KCNC4: variants seen among roughly 807,000 people sequenced by gnomAD.
The protein encoded by KCNC4 is potassium voltage-gated channel subfamily C member 4, also known as voltage-gated potassium channel KCNC4.
Under a neutral mutation model 42.8 loss-of-function variants are expected in KCNC4, and 23 were observed. The observed-to-expected ratio is 0.54, with a 90% confidence interval of 0.39 to 0.76. The LOEUF is 0.76. Among genes scored for constraint, KCNC4 ranks in the 30% least tolerant of loss-of-function variants. The pLI is 0.00. For missense variants in KCNC4, 751 were observed against 898.2 expected, an observed-to-expected ratio of 0.84 and a Z score of 2.10; for synonymous variants, 422 against 393.5, an observed-to-expected ratio of 1.07 and a Z score of -0.86.
intron 1 of KCNC4, among the ~76,000 whole-genome samples, chr1:110,217,184 C>T (rs1489746104): frequency 6.6e-6 from 1 of 151,926 alleles, no homozygotes; most frequent in Admixed American, 6.6e-5. Flanking sequence ...TAATACAAGA[C>T]GGATCATGAG....
At chr1:110,228,199 A>G (rs1277793311) in intron 3 of KCNC4, among the ~76,000 whole-genome samples, 1 of 152,160 alleles carries the variant, frequency 6.6e-6, no homozygotes, top group Non-Finnish European at 1.5e-5. Flanking sequence ...AGGCCCATGT[A>G]TCAGAGTGTC....
chr1:110,229,443 G>A (rs1034546850), intron 3 of KCNC4, among the ~76,000 whole-genome samples: 4 of 152,228 alleles, frequency 2.6e-5, no homozygotes, highest in East Asian at 1.9e-4. Flanking sequence ...TCCCACTGGC[G>A]GCACCTGGTG....
intron 2 of KCNC4, chr1:110,224,192 G>T: frequency 2.6e-6 from 1 of 383,314 alleles, no homozygotes; most frequent in South Asian, 5.9e-5. Flanking sequence ...ATCCAATCTT[G>T]GCCACTGTGC....
intron 1 of KCNC4, among the ~76,000 whole-genome samples, chr1:110,264,893 T>C (rs6664808): frequency 0.6 from 90,544 of 151,804 alleles, 27,556 homozygotes; most frequent in African/African-American, 0.71. Context: ...ACCAGCCTGG[T>C]CAACACGGTG....
At chr1:110,212,438 C>A (rs534759719) in intron 1 of KCNC4, among the ~76,000 whole-genome samples, 1 of 152,156 alleles carries the variant, frequency 6.6e-6, no homozygotes, top group African/African-American at 2.4e-5. Context: ...TTGCCGCATC[C>A]CCTCCAGTGA....
chr1:110,230,428 G>A (rs542558187), intron 3 of KCNC4, among the ~76,000 whole-genome samples: 33 of 152,204 alleles, frequency 2.2e-4, no homozygotes, highest in Non-Finnish European at 3.8e-4. Flanking sequence ...GGGACACAAC[G>A]AGCCGGGTGT....
chr1:110,230,596 T>C lies in KCNC4; in HGVS notation c.1820-2315T>C, dbSNP rs144459831. 3.5e-4 allele frequency among the ~76,000 whole-genome samples: 53 copies of C among 152,328 alleles called. No individual in the cohort carries two copies. The East Asian group carries it at 9.3e-3, about 27-fold the overall frequency. On this transcript the variant is annotated intron_variant, in intron 3 of 3. Coordinates refer to ENST00000438661, the MANE Select transcript of KCNC4 (RefSeq NM_001039574.3). ...TTCCCTCTCTTCCCTCCCACAGGGC[T>C]GGGTCTGGCTCATGGCACCCCTACG...
chr1:110,222,696 TAGC>T (rs1658164702), intron 1 of KCNC4: 2 of 452,452 alleles, frequency 4.4e-6, no homozygotes, highest in Non-Finnish European at 8.0e-6. Flanking sequence ...AAGGCAGGTC[TAGC>T]AGCTGTAGAT....
At chr1:110,232,685 A>G in intron 3 of KCNC4, 7 of 1,479,110 alleles carry the variant, frequency 4.7e-6, no homozygotes, top group East Asian at 4.9e-5. Context: ...TGACCCATCC[A>G]TGCTCTTCCT....
chr1:110,212,133 A>T lies in KCNC4; in HGVS notation c.634A>T (p.Met212Leu), dbSNP rs1657502884. ...GGGCTGCCGCGGCTGGCAGCCCCGC[A>T]TGTGGGCGCTCTTCGAGGATCCCTA... ...SGGCRGWQPR[M>L]WALFEDPYSS... Residue 212 changes from methionine (M) to leucine (L), a missense_variant, in exon 1 of 4, where the codon ATG (methionine) becomes TTG (leucine). Coordinates refer to ENST00000438661, the MANE Select transcript of KCNC4 (RefSeq NM_001039574.3). 1 of 1,506,070 alleles carries T rather than the reference A, an allele frequency of 6.6e-7. No individual in the cohort carries two copies. The highest frequency in any genetic ancestry group is 1.3e-5 in the South Asian group (1 of 77,176). 93.3% of individuals were successfully genotyped at this position (1,506,070 alleles called of 1,614,324 possible).
chr1:110,239,323 C>T (rs1658978465), exon 4 of KCNC4: 1 of 152,268 alleles, frequency 6.6e-6, no homozygotes, highest in Non-Finnish European at 1.5e-5. Context: ...GCTTTTCCCT[C>T]ACGGGGACCA....
Position 110,234,031 on chromosome 1 carries a change from C to G in KCNC4, c.*1059C>G, listed in dbSNP as rs1658840075. 1 of 152,428 alleles carries G rather than the reference C, an allele frequency of 6.6e-6. No homozygotes were observed. The highest frequency in any genetic ancestry group is 1.5e-5 in the Non-Finnish European group (1 of 68,232). The allele number at this position is 152,428 out of a possible 1,614,324, so 9.4% of individuals were successfully genotyped here. Reference sequence around the variant, plus strand: ...TAAAGACATCTGGAGCATCCTGCTGCTCCTGCTGTGTGAGCACCTGCCTCT... The same window carrying G: ...TAAAGACATCTGGAGCATCCTGCTGGTCCTGCTGTGTGAGCACCTGCCTCT... On this transcript the variant is annotated 3_prime_UTR_variant, in exon 4 of 4. Coordinates refer to ENST00000438661, the MANE Select transcript of KCNC4 (RefSeq NM_001039574.3).
chr1:110,271,230 T>C (rs1011088689), intron 1 of KCNC4, among the ~76,000 whole-genome samples: 1 of 152,136 alleles, frequency 6.6e-6, no homozygotes, highest in African/African-American at 2.4e-5. Context: ...GAGGTGAGTA[T>C]AGCTGAGCAC....
downstream of KCNC4, chr1:110,235,437 A>G (rs17358800): frequency 0.21 from 31,718 of 152,222 alleles, 3,863 homozygotes; most frequent in South Asian, 0.27. Context: ...GATATTACGC[A>G]TCAGGGCCCA....
chr1:110,232,089 C>T (rs1658720180), intron 3 of KCNC4: 1 of 777,388 alleles, frequency 1.3e-6, no homozygotes, highest in East Asian at 2.8e-5. Context: ...CCTGTGCTCC[C>T]ACTGGTAAGG....
chr1:110,248,599 G>T (rs1270533311), exon 4 of KCNC4: 4 of 152,074 alleles, frequency 2.6e-5, no homozygotes, highest in Non-Finnish European at 4.4e-5. Context: ...TTCCTCAAAT[G>T]CTCTTTGAAT....
In KCNC4 at chr1:110,210,818, C is replaced by CCCCG. The variant is rs1296041135; in HGVS notation, c.-673_-670dup. The stretch of plus-strand genomic sequence containing the variant: ...CAGCTGCCGCCTCGCCCTGCGCAGC[C>CCCCG]CCCGCCCGCCCGGCCGCCGCTCTCT... On this transcript the variant is annotated 5_prime_UTR_variant, in exon 1 of 4. An upstream open reading frame in the 5' UTR loses its in-frame stop. Coordinates refer to ENST00000438661, the MANE Select transcript of KCNC4 (RefSeq NM_001039574.3). Among the ~76,000 whole-genome samples the CCCCG allele has an allele frequency of 3.8e-4, 58 of 151,978 alleles. No homozygotes were observed. Among genetic ancestry groups the CCCCG allele is most frequent in the Non-Finnish European group, 7.1e-4 (48 of 67,938 alleles).
intron 1 of KCNC4, among the ~76,000 whole-genome samples, chr1:110,267,396 G>C (rs1438015087): frequency 4.6e-5 from 7 of 152,112 alleles, no homozygotes; most frequent in Non-Finnish European, 7.4e-5. Flanking sequence ...ACACACCTCA[G>C]TTCAGCTGAT....
chr1:110,271,905 G>GAA (rs1659643059), intron 1 of KCNC4, among the ~76,000 whole-genome samples: 1 of 152,080 alleles, frequency 6.6e-6, no homozygotes, highest in African/African-American at 2.4e-5. Context: ...GAAAGGCTAA[G>GAA]ACTCACTTAG....
Sources: allele counts gnomAD v4.1 joint callset (sites outside exome capture counted in the v4.1 genomes callset), GRCh38; gene constraint gnomAD v4.1.1; transcripts MANE v1.5; gene names NCBI Gene and HGNC (gene_info 2026-07-23, HGNC 2026-07-21).